ARHGAP26: variants seen among roughly 807,000 people sequenced by gnomAD.
ARHGAP26 encodes rho GTPase-activating protein 26.
In ARHGAP26, 38 loss-of-function variants were observed where a neutral mutation model predicts 104.8. The ratio of observed to expected loss-of-function variants is 0.36; its 90% CI spans 0.28 to 0.48. The LOEUF is 0.48. ARHGAP26 is among the 20% of genes least tolerant of loss of function. The probability of loss-of-function intolerance (pLI) is 0.99; values close to 1 mark genes in which losing one functional copy is unlikely to be tolerated. For missense variants in ARHGAP26, 704 were observed against 947.9 expected (o/e 0.74, Z 3.38); for synonymous variants, 341 against 340.0 (o/e 1.00, Z -0.03).
intron 11 of ARHGAP26, among the ~76,000 whole-genome samples, chr5:143,012,634 G>T (rs1287692725): frequency 7.8e-6 from 1 of 128,888 alleles, no homozygotes; most frequent in Non-Finnish European, 1.7e-5. Flanking sequence ...GACCAAAGAA[G>T]GGCTTGGGTT....
rs191466338 is a variant in ARHGAP26, at chr5:142,977,682, G to T, written c.1108-36398G>T. 3.3e-5 allele frequency among the ~76,000 whole-genome samples: 5 copies of T among 152,274 alleles called. No homozygotes were observed. In the East Asian group the frequency reaches 9.7e-4, roughly 29 times the overall value. ...CTCTAGAAGTTGCTAGCCATCTCCT[G>T]GTTAAGAAAGAAGATGGAAGGTGGT... On this transcript the variant is annotated intron_variant, in intron 11 of 22. Transcript: ENST00000645722.
chr5:142,876,576 GACCAGTCTGGAGGCA>G (rs530535169), intron 3 of ARHGAP26, among the ~76,000 whole-genome samples: 8,452 of 151,806 alleles, frequency 0.056, 598 homozygotes, highest in East Asian at 0.29. Context: ...GGGAGTTCAA[GACCAGTCTGGAGGCA>G]ACATAGTGAG....
intron 1 of ARHGAP26, among the ~76,000 whole-genome samples, chr5:142,790,886 C>T (rs2151907306): frequency 6.6e-6 from 1 of 152,270 alleles, no homozygotes; most frequent in African/African-American, 2.4e-5. Context: ...CCTTCTATCT[C>T]ATTACCCCGT....
At chr5:142,963,163 G>GATATATATATATATATATCATAT (rs1562163912) in intron 11 of ARHGAP26, among the ~76,000 whole-genome samples, 1 of 112,170 alleles carries the variant, frequency 8.9e-6, no homozygotes. Context: ...AGTATTCCAT[G>GATATATATATATATATATCATAT]GTATATATGT....
At chr5:142,835,773 CCCAATAGTGGTTAGCCA>C (rs1769434492) in intron 1 of ARHGAP26, among the ~76,000 whole-genome samples, 1 of 152,100 alleles carries the variant, frequency 6.6e-6, no homozygotes, top group African/African-American at 2.4e-5. Flanking sequence ...ATAATAAAAA[CCCAATAGTGGTTAGCCA>C]CCAACACCAA....
intron 12 of ARHGAP26, among the ~76,000 whole-genome samples, chr5:143,024,007 C>G (rs750743239): frequency 3.3e-5 from 5 of 152,328 alleles, no homozygotes; most frequent in Non-Finnish European, 7.3e-5. Flanking sequence ...TGCTGACTTT[C>G]TACACCTCAC....
rs902540193 is a variant in ARHGAP26 at position 143,147,157 on chromosome 5, A to AT, written c.1838-69dup. ...CTTGATCCAGTCTTATTCTTTATAC[A>AT]TTTTTGTGCATGTAGCAATAGACTG... On this transcript the variant is annotated intron_variant, in intron 19 of 22. Coordinates refer to ENST00000645722, the MANE Select transcript of ARHGAP26 (RefSeq NM_001135608.3). 2.8e-5 allele frequency: 42 copies of AT among 1,491,888 alleles called. 1 individual carries two copies. The African/African-American group carries it at 4.0e-4, about 14-fold the overall frequency. The allele number at this position is 1,491,888 out of a possible 1,614,324, so 92.4% of individuals were successfully genotyped here.
Position 143,082,992 on chromosome 5 carries a change from A to G in ARHGAP26, c.1538+25245A>G, listed in dbSNP as rs149198894. Among the ~76,000 whole-genome samples the G allele has an allele frequency of 5.2e-3, 790 of 152,352 alleles. 4 individuals carry two copies. The highest frequency in any genetic ancestry group is 8.2e-3 in the Non-Finnish European group (559 of 68,034). On this transcript the variant is annotated intron_variant, in intron 17 of 22. Coordinates refer to ENST00000645722, the MANE Select transcript of ARHGAP26 (RefSeq NM_001135608.3). ...TTCTTTAAGCAAAGATTGTCACTGT[A>G]GAGTGACATTTTGCATTTTGCTGGA...
chr5:142,896,467 A>G (rs937146300), intron 6 of ARHGAP26, among the ~76,000 whole-genome samples: 2 of 152,158 alleles, frequency 1.3e-5, no homozygotes, highest in African/African-American at 2.4e-5. Flanking sequence ...CTCATACAAC[A>G]ATAGATGTTT....
chr5:143,167,657 C>T (rs192425403), intron 20 of ARHGAP26, among the ~76,000 whole-genome samples: 14 of 152,240 alleles, frequency 9.2e-5, no homozygotes, highest in African/African-American at 2.9e-4. Flanking sequence ...GGGGCAAGCG[C>T]ATGACTAAGC....
At chr5:142,830,823 T>A (rs1768264536) in intron 1 of ARHGAP26, among the ~76,000 whole-genome samples, 1 of 152,146 alleles carries the variant, frequency 6.6e-6, no homozygotes, top group Non-Finnish European at 1.5e-5. Context: ...CTGCGCCGTA[T>A]CCCCCTCTCT....
At chr5:143,101,777 G>A (rs1052099434) in intron 17 of ARHGAP26, among the ~76,000 whole-genome samples, 3 of 151,522 alleles carry the variant, frequency 2.0e-5, no homozygotes, top group Admixed American at 6.6e-5. Flanking sequence ...AATTTCTGCT[G>A]CATGTTCTAC....
chr5:143,056,839 TAGTAC>T (rs1165375289), intron 16 of ARHGAP26, among the ~76,000 whole-genome samples: 1 of 152,186 alleles, frequency 6.6e-6, no homozygotes, highest in Non-Finnish European at 1.5e-5. Context: ...CCTAATTTAG[TAGTAC>T]CTAATGTTCT....
Position 143,052,582 on chromosome 5 carries a change from T to G in ARHGAP26, c.1286-1857T>G, listed in dbSNP as rs187106422. Among the ~76,000 whole-genome samples, 642 of 152,364 alleles carry G rather than the reference T, an allele frequency of 4.2e-3. 2 individuals are homozygous for G. The highest frequency in any genetic ancestry group is 7.3e-3 in the Non-Finnish European group (494 of 68,034). On this transcript the variant is annotated intron_variant, in intron 14 of 22. Transcript: ENST00000645722. ...TCACCTGCAAACATCATACAGGTAC[T>G]GTGCCTTTGAGAGCCACATGTTTCT...
intron 1 of ARHGAP26, among the ~76,000 whole-genome samples, chr5:142,807,113 G>C (rs570551764): frequency 6.6e-6 from 1 of 152,332 alleles, no homozygotes; most frequent in East Asian, 1.9e-4. Flanking sequence ...GATAATGGTT[G>C]AAATTAATCA....
At chr5:143,066,804 G>A (rs1229707106) in intron 17 of ARHGAP26, among the ~76,000 whole-genome samples, 2 of 152,202 alleles carry the variant, frequency 1.3e-5, no homozygotes, top group Non-Finnish European at 2.9e-5. Context: ...GGCCCAAAGG[G>A]CTGAGCATCT....
chr5:142,802,880 C>A (rs977560443), intron 1 of ARHGAP26, among the ~76,000 whole-genome samples: 1 of 152,160 alleles, frequency 6.6e-6, no homozygotes, highest in Non-Finnish European at 1.5e-5. Flanking sequence ...CCTCAGTTTC[C>A]TCACCTGTAA....
At chr5:143,094,503 C>G (rs2150558322) in intron 17 of ARHGAP26, among the ~76,000 whole-genome samples, 1 of 152,320 alleles carries the variant, frequency 6.6e-6, no homozygotes, top group Non-Finnish European at 1.5e-5. Context: ...AGAGCAGCCC[C>G]TAATTGTTAT....
intron 22 of ARHGAP26, among the ~76,000 whole-genome samples, chr5:143,218,781 C>A (rs911530665): frequency 6.6e-6 from 1 of 152,202 alleles, no homozygotes; most frequent in Non-Finnish European, 1.5e-5. Context: ...CCATTCAGCC[C>A]AACAAGCACT....
Sources: allele counts gnomAD v4.1 joint callset (sites outside exome capture counted in the v4.1 genomes callset), GRCh38; gene constraint gnomAD v4.1.1; transcripts MANE v1.5; gene names NCBI Gene and HGNC (gene_info 2026-07-23, HGNC 2026-07-21).